The following CFH variants were observed in gnomAD, a reference collection of about 807,000 sequenced individuals.
CFH encodes complement factor H, also known as H factor 1 (complement).
A neutral mutation model predicts 147.3 loss-of-function variants in CFH; 53 were observed. The ratio of observed to expected loss-of-function variants is 0.36; its 90% CI spans 0.29 to 0.45. The LOEUF (loss-of-function observed/expected upper bound fraction) is 0.45. CFH is among the 20% of genes least tolerant of loss of function. CFH has a pLI of 1.00. For synonymous variants in CFH, 536 were observed against 489.4 expected, an observed-to-expected ratio of 1.10 and a Z score of -1.26; for missense variants, 1,380 against 1,498.0, an observed-to-expected ratio of 0.92 and a Z score of 1.30.
chr1:196,696,790 C>T (rs2149093750), intron 9 of CFH, among the ~76,000 whole-genome samples: 1 of 152,306 alleles, frequency 6.6e-6, no homozygotes, highest in East Asian at 1.9e-4. Flanking sequence ...TAGCATGGTA[C>T]TGGTACCAAA....
chr1:196,667,053 T>A (rs1022291382), intron 1 of CFH, among the ~76,000 whole-genome samples: 13 of 152,194 alleles, frequency 8.5e-5, no homozygotes, highest in African/African-American at 2.9e-4. Flanking sequence ...TTTTTCTATT[T>A]CTTTTCTATT....
intron 9 of CFH, among the ~76,000 whole-genome samples, chr1:196,706,180 C>T (rs1668584536): frequency 6.6e-6 from 1 of 152,058 alleles, no homozygotes; most frequent in Non-Finnish European, 1.5e-5. Flanking sequence ...TAGGTAAAGA[C>T]TCCTGAGTCA....
At chr1:196,703,731 T>C (rs1668517174) in intron 9 of CFH, among the ~76,000 whole-genome samples, 1 of 152,038 alleles carries the variant, frequency 6.6e-6, no homozygotes, top group African/African-American at 2.4e-5. Flanking sequence ...ACTCCTGTAA[T>C]GCCAGCACCT....
At chr1:196,730,498 A>G (rs1257924420) in intron 15 of CFH, among the ~76,000 whole-genome samples, 5 of 151,882 alleles carry the variant, frequency 3.3e-5, no homozygotes, top group African/African-American at 1.2e-4. Flanking sequence ...GTGGCCTAAC[A>G]TATAACATAT....
chr1:196,741,542 A>G (rs1652809351), intron 18 of CFH: 1 of 316,414 alleles, frequency 3.2e-6, no homozygotes, highest in Admixed American at 4.7e-5. Context: ...TTATTATTCA[A>G]GATGAGATTT....
At chr1:196,709,880 A>G (rs74213209) in intron 9 of CFH, among the ~76,000 whole-genome samples, 24,430 of 152,082 alleles carry the variant, frequency 0.16, 2,494 homozygotes, top group East Asian at 0.48. Context: ...ATTATGGCAC[A>G]GGTCTGTAGT....
intron 11 of CFH, among the ~76,000 whole-genome samples, chr1:196,718,197 T>G (rs1668917500): frequency 6.6e-6 from 1 of 152,020 alleles, no homozygotes; most frequent in Non-Finnish European, 1.5e-5. Flanking sequence ...TCCAGAGATT[T>G]TATTCTAATA....
Position 196,652,096 on chromosome 1 carries a change from G to A in CFH, c.-22G>A. 6.4e-7 allele frequency: 1 copy of A among 1,561,472 alleles called. No homozygotes were observed. Among genetic ancestry groups the A allele is most frequent in the Non-Finnish European group, 8.8e-7 (1 of 1,132,192 alleles). ...TTGTGAACAGAGTTAGCTGGTAAAT[G>A]TCCTCTTAAAAGATCCAAAAAATGA... On this transcript the variant is annotated 5_prime_UTR_variant, in exon 1 of 22. It removes an upstream start codon present in the reference 5' UTR. Transcript: ENST00000367429.
chr1:196,711,862 T>G (rs910171906), intron 9 of CFH, among the ~76,000 whole-genome samples: 2 of 152,120 alleles, frequency 1.3e-5, no homozygotes, highest in African/African-American at 4.8e-5. Context: ...TTTGCTCTAC[T>G]CTCCAGAGTG....
At chr1:196,681,980 A>G (rs1667673633) in intron 6 of CFH, among the ~76,000 whole-genome samples, 1 of 151,782 alleles carries the variant, frequency 6.6e-6, no homozygotes, top group African/African-American at 2.4e-5. Flanking sequence ...GAAGTTTGGA[A>G]TTAAATAATA....
intron 18 of CFH, 189 bp from the exon 19 acceptor site, chr1:196,741,685 AT>A (rs1217987270): frequency 3.4e-6 from 2 of 582,942 alleles, no homozygotes; most frequent in African/African-American, 1.9e-5. Context: ...TCTATCTTGT[AT>A]TTTTAATAGA....
At chr1:196,736,125 CT>C (rs1482213808) in intron 15 of CFH, among the ~76,000 whole-genome samples, 7 of 152,032 alleles carry the variant, frequency 4.6e-5, no homozygotes, top group African/African-American at 1.7e-4. Context: ...AGGAGCTTAG[CT>C]GTGAGTTTAC....
chr1:196,666,425 TC>T (rs957341490), intron 1 of CFH, among the ~76,000 whole-genome samples: 1 of 152,102 alleles, frequency 6.6e-6, no homozygotes, highest in Non-Finnish European at 1.5e-5. Flanking sequence ...AACATATATT[TC>T]CATTATTGTT....
At chr1:196,685,021 G>A (rs1485236734) in intron 6 of CFH, 43 bp from the exon 7 acceptor site, 1 of 1,415,710 alleles carries the variant, frequency 7.1e-7, no homozygotes, top group Admixed American at 1.7e-5. Flanking sequence ...AATTTTAACG[G>A]ATACTTATTT....
chr1:196,693,557 C>A (rs2149091563), intron 9 of CFH, among the ~76,000 whole-genome samples: 1 of 152,214 alleles, frequency 6.6e-6, no homozygotes, highest in African/African-American at 2.4e-5. Context: ...AAGTGACTAA[C>A]AGGCTGGTGC....
At position 196,689,411 on chromosome 1, in the gene CFH, T is replaced by C. The variant is rs1265386607; in HGVS notation, c.965-9T>C. 12 of 1,611,034 alleles carry C rather than the reference T, an allele frequency of 7.4e-6. No individual in the cohort carries two copies. The highest frequency in any genetic ancestry group is 2.7e-5 in the African/African-American group (2 of 74,774). ...TTCTTTATACTTTTTTTAAAATTTTTATTGCAAGTGAAACCTTGTGATTAT... is the reference window on the plus strand; with the variant it reads ...TTCTTTATACTTTTTTTAAAATTTTCATTGCAAGTGAAACCTTGTGATTAT... On this transcript the variant is annotated splice_polypyrimidine_tract_variant and intron_variant, in intron 7 of 21. Coordinates refer to ENST00000367429, the MANE Select transcript of CFH (RefSeq NM_000186.4).
Position 196,728,350 on chromosome 1 carries a change from A to C in CFH, c.2241A>C (p.Ile747=). 1 of 1,465,420 alleles carries C rather than the reference A, an allele frequency of 6.8e-7. No individual in the cohort carries two copies. The highest frequency in any genetic ancestry group is 1.3e-5 in the South Asian group (1 of 76,386). 90.8% of individuals were successfully genotyped at this position (1,465,420 alleles called of 1,614,324 possible). The part of the protein sequence containing the change: ...VWTQLPQCVA[I]DKLKKCKSSN... ...AAAAATATATTTATTTTATAGCAAT[A>C]GATAAACTTAAGAAGTGCAAATCAT... The change falls in exon 15 of 22, where the codon ATA becomes ATC. Residue 747 remains isoleucine, a synonymous_variant. Coordinates refer to ENST00000367429, the MANE Select transcript of CFH (RefSeq NM_000186.4).
At chr1:196,698,699 G>C (rs1181781424) in intron 9 of CFH, among the ~76,000 whole-genome samples, 1 of 152,132 alleles carries the variant, frequency 6.6e-6, no homozygotes, top group Non-Finnish European at 1.5e-5. Flanking sequence ...AATAGAAAAA[G>C]AAGGTCTCCT....
intron 9 of CFH, among the ~76,000 whole-genome samples, chr1:196,710,917 G>A (rs1248611832): frequency 6.6e-6 from 1 of 151,956 alleles, no homozygotes; most frequent in Non-Finnish European, 1.5e-5. Context: ...TCTTGAGAGA[G>A]CCATGATAGT....
Sources: gnomAD v4.1 joint callset for allele counts (sites outside exome capture counted in the v4.1 genomes callset) on GRCh38, gnomAD v4.1.1 for gene constraint, MANE v1.5 for transcripts, NCBI Gene and HGNC (gene_info 2026-07-23, HGNC 2026-07-21) for gene names.